ESR1: variants seen among roughly 807,000 people sequenced by gnomAD.
The protein encoded by ESR1 is estrogen receptor.
In ESR1, 12 loss-of-function variants were observed where a neutral mutation model predicts 52.7. That is an observed-to-expected ratio of 0.23 (90% CI 0.15 to 0.37). The LOEUF is 0.37. ESR1 is among the 10% of genes least tolerant of loss of function. The pLI, the probability that ESR1 is intolerant of heterozygous loss-of-function variation, is 1.00. For missense variants in ESR1, 584 were observed against 779.7 expected (o/e 0.75, Z 2.99); for synonymous variants, 305 against 316.8 (o/e 0.96, Z 0.39).
chr6:151,889,262 A>G (rs1276768739), intron 3 of ESR1, among the ~76,000 whole-genome samples: 1 of 152,164 alleles, frequency 6.6e-6, no homozygotes, highest in Non-Finnish European at 1.5e-5. Context: ...AATATTTGGT[A>G]GAGTTCAGCA....
intron 1 of ESR1, among the ~76,000 whole-genome samples, chr6:151,817,279 A>G (rs1779815438): frequency 6.6e-6 from 1 of 152,218 alleles, no homozygotes; most frequent in South Asian, 2.1e-4. Context: ...AAGAAAAACA[A>G]CAAACAAAAC....
At chr6:151,768,681 T>C (rs910493075) in intron 2 of ESR1, among the ~76,000 whole-genome samples, 1 of 152,160 alleles carries the variant, frequency 6.6e-6, no homozygotes, top group African/African-American at 2.4e-5. Context: ...ATAGATAAGT[T>C]CATAGATAGA....
In ESR1 at chr6:152,099,274, T is replaced by C. The variant is rs2050876504; in HGVS notation, c.*308T>C. 2.1e-6 allele frequency: 1 copy of C among 471,820 alleles called. No individual in the cohort carries two copies. Among genetic ancestry groups the C allele is most frequent in the Non-Finnish European group, 3.9e-6 (1 of 254,816 alleles). The allele number at this position is 471,820 out of a possible 1,614,324, so 29.2% of individuals were successfully genotyped here. On this transcript the variant is annotated 3_prime_UTR_variant, in exon 8 of 8. Coordinates refer to ENST00000206249, the MANE Select transcript of ESR1 (RefSeq NM_000125.4). Reference sequence around the variant, plus strand: ...CTGAACTCAGTCTATGGGTTGGGGCTCAGATAACTCTGTGCATTTAAGCTA... The same window carrying C: ...CTGAACTCAGTCTATGGGTTGGGGCCCAGATAACTCTGTGCATTTAAGCTA...
chr6:151,807,928 C>T lies in ESR1; in HGVS notation c.16C>T (p.His6Tyr), dbSNP rs139960913. The change falls in exon 1 of 8, where the codon CAC becomes TAC. Residue 6 changes from histidine to tyrosine, a missense_variant. His to Tyr is a moderately conservative substitution (Grantham distance 83). Transcript: ENST00000206249. Reference protein sequence around the residue: MTMTLHTKASGMALLH... With the variant: MTMTLYTKASGMALLH... Reference sequence around the variant, plus strand: ...GCCACGGACCATGACCATGACCCTCCACACCAAAGCATCTGGGATGGCCCT... The same window carrying T: ...GCCACGGACCATGACCATGACCCTCTACACCAAAGCATCTGGGATGGCCCT... 4.5e-3 allele frequency: 7,260 copies of T among 1,613,882 alleles called. 24 individuals are homozygous for T. Among genetic ancestry groups the T allele is most frequent in the Non-Finnish European group, 5.3e-3 (6,294 of 1,179,928 alleles).
At chr6:151,839,894 G>A (rs1784003859) in intron 1 of ESR1, among the ~76,000 whole-genome samples, 1 of 152,054 alleles carries the variant, frequency 6.6e-6, no homozygotes, top group South Asian at 2.1e-4. Flanking sequence ...GATGATGTGA[G>A]TATATCTAAC....
chr6:151,876,718 C>T (rs771174474), intron 2 of ESR1, among the ~76,000 whole-genome samples: 23 of 152,164 alleles, frequency 1.5e-4, no homozygotes, highest in Non-Finnish European at 2.6e-4. Context: ...TCCCCGCTTC[C>T]TGTCTTTCTG....
At chr6:151,932,934 T>C (rs1233215637) in intron 3 of ESR1, among the ~76,000 whole-genome samples, 3 of 150,884 alleles carry the variant, frequency 2.0e-5, no homozygotes, top group African/African-American at 7.3e-5. Flanking sequence ...CTTGGCGATG[T>C]GGGCTCTTTT....
intron 2 of ESR1, among the ~76,000 whole-genome samples, chr6:151,771,635 T>G (rs1188217410): frequency 6.6e-6 from 1 of 152,216 alleles, no homozygotes; most frequent in Admixed American, 6.5e-5. Context: ...GTCAAATAGA[T>G]CCTATATTTT....
At chr6:151,998,665 G>T (rs2041700264) in intron 4 of ESR1, among the ~76,000 whole-genome samples, 1 of 152,064 alleles carries the variant, frequency 6.6e-6, no homozygotes, top group Admixed American at 6.6e-5. Context: ...GCAGACCCCA[G>T]ATAGAGACTA....
At chr6:151,921,649 T>A (rs941098196) in intron 3 of ESR1, among the ~76,000 whole-genome samples, 1 of 152,252 alleles carries the variant, frequency 6.6e-6, no homozygotes, top group African/African-American at 2.4e-5. Context: ...TGTGAGATGG[T>A]ATCTCATTGT....
At chr6:151,913,400 T>C (rs987109017) in intron 3 of ESR1, among the ~76,000 whole-genome samples, 1 of 152,226 alleles carries the variant, frequency 6.6e-6, no homozygotes, top group Non-Finnish European at 1.5e-5. Flanking sequence ...TGATCACAAA[T>C]GACTATGTAA....
intron 1 of ESR1, chr6:151,813,456 C>T (rs1450166503): frequency 6.6e-6 from 1 of 152,050 alleles, no homozygotes; most frequent in Non-Finnish European, 1.5e-5. Context: ...TGGATGCCTC[C>T]TATGGACCCT....
intron 2 of ESR1, among the ~76,000 whole-genome samples, chr6:151,775,122 C>T (rs1348670767): frequency 6.6e-6 from 1 of 152,096 alleles, no homozygotes; most frequent in Non-Finnish European, 1.5e-5. Context: ...AAGAAGGAAT[C>T]AGGACAAAAA....
At chr6:151,721,489 G>A (rs1028364435) in intron 2 of ESR1, among the ~76,000 whole-genome samples, 3 of 152,294 alleles carry the variant, frequency 2.0e-5, no homozygotes, top group African/African-American at 7.2e-5. Flanking sequence ...GATAGAAGAG[G>A]ATAGGGCCAT....
At chr6:151,951,649 A>C (rs369470602) in intron 4 of ESR1, among the ~76,000 whole-genome samples, 96 of 152,290 alleles carry the variant, frequency 6.3e-4, no homozygotes, top group African/African-American at 2.2e-3. Flanking sequence ...GGACATCAAA[A>C]TTGTTCCCCA....
intron 6 of ESR1, among the ~76,000 whole-genome samples, chr6:152,082,267 AC>A (rs2049291928): frequency 6.6e-6 from 1 of 152,182 alleles, no homozygotes; most frequent in African/African-American, 2.4e-5. Context: ...ATCCACCAAA[AC>A]CAAGTCAGCT....
At chr6:151,785,699 C>T (rs1340909051) in intron 2 of ESR1, among the ~76,000 whole-genome samples, 4 of 152,126 alleles carry the variant, frequency 2.6e-5, no homozygotes, top group African/African-American at 7.2e-5. Context: ...GACTCTGGGT[C>T]GTCACTCTGG....
At chr6:152,086,542 C>T (rs1232209518) in intron 6 of ESR1, among the ~76,000 whole-genome samples, 1 of 150,620 alleles carries the variant, frequency 6.6e-6, no homozygotes, top group Non-Finnish European at 1.5e-5. Flanking sequence ...AGATTTTTTT[C>T]TCAAGTCAAC....
At chr6:151,929,860 A>G (rs1161659577) in intron 3 of ESR1, among the ~76,000 whole-genome samples, 1 of 152,198 alleles carries the variant, frequency 6.6e-6, no homozygotes, top group Non-Finnish European at 1.5e-5. Context: ...TTGAATAAAA[A>G]TAAACCTGTG....
Sources: gnomAD v4.1 joint callset for allele counts (sites outside exome capture counted in the v4.1 genomes callset) on GRCh38, gnomAD v4.1.1 for gene constraint, MANE v1.5 for transcripts, NCBI Gene and HGNC (gene_info 2026-07-23, HGNC 2026-07-21) for gene names.